The following PDIA5 variants were observed in gnomAD, a reference collection of about 807,000 sequenced individuals.
The protein encoded by PDIA5 is protein disulfide-isomerase A5.
A neutral mutation model predicts 77.6 loss-of-function variants in PDIA5; 58 were observed. The ratio of observed to expected loss-of-function variants is 0.75; its 90% confidence interval spans 0.61 to 0.93. PDIA5 has a LOEUF of 0.93. Among genes scored for constraint, PDIA5 ranks in the 40% least tolerant of loss-of-function variants. The pLI, the probability that PDIA5 is intolerant of heterozygous loss-of-function variation, is 0.00. For synonymous variants in PDIA5, 250 were observed against 252.1 expected (o/e 0.99, Z 0.08); for missense variants, 630 against 647.7 (o/e 0.97, Z 0.30).
chr3:123,084,567 A>G (rs1482568101), intron 1 of PDIA5, among the ~76,000 whole-genome samples: 1 of 151,906 alleles, frequency 6.6e-6, no homozygotes, highest in Non-Finnish European at 1.5e-5. Context: ...TGCAACCTGG[A>G]GGAGGCCTGT....
At chr3:123,082,127 G>A (rs908125123) in intron 1 of PDIA5, among the ~76,000 whole-genome samples, 13 of 152,194 alleles carry the variant, frequency 8.5e-5, no homozygotes, top group Admixed American at 7.9e-4. Context: ...AAAGCAGAGG[G>A]TTAGTCTAAA....
chr3:123,072,605 G>C (rs1933749646), intron 1 of PDIA5, among the ~76,000 whole-genome samples: 1 of 152,200 alleles, frequency 6.6e-6, no homozygotes, highest in African/African-American at 2.4e-5. Flanking sequence ...CTGCTGCAGA[G>C]ATCCCAGGTA....
chr3:123,113,565 G>A (rs905537369), intron 7 of PDIA5, among the ~76,000 whole-genome samples: 3 of 152,196 alleles, frequency 2.0e-5, no homozygotes, highest in African/African-American at 7.2e-5. Flanking sequence ...TAGGTCCCAA[G>A]GAACCTCGGG....
At chr3:123,071,937 G>A (rs1465051449) in intron 1 of PDIA5, among the ~76,000 whole-genome samples, 1 of 152,180 alleles carries the variant, frequency 6.6e-6, no homozygotes, top group African/African-American at 2.4e-5. Flanking sequence ...GGAATGATAG[G>A]CCAGGCTGGA....
intron 3 of PDIA5, among the ~76,000 whole-genome samples, chr3:123,098,461 A>G (rs865883700): frequency 9.8e-5 from 15 of 152,290 alleles, no homozygotes; most frequent in Non-Finnish European, 1.6e-4. Context: ...GGAAAATCCA[A>G]TAAACATAGC....
In PDIA5 at chr3:123,098,324, A is replaced by AC. The variant is rs201085251; in HGVS notation, c.258-4084dup. Among the ~76,000 whole-genome samples, 830 of 150,454 alleles carry AC rather than the reference A, an allele frequency of 5.5e-3. 14 individuals carry two copies. Among genetic ancestry groups the AC allele is most frequent in the African/African-American group, 0.019 (777 of 40,836 alleles). ...GACTTGTGAAAGACCTCAGACCCCC[A>AC]CCCTCCGACCCCGCCGTCTCCCAGA... On this transcript the variant is annotated intron_variant, in intron 3 of 16. Coordinates refer to ENST00000316218, the MANE Select transcript of PDIA5 (RefSeq NM_006810.4).
At chr3:123,109,338 G>T (rs1934812036) in intron 6 of PDIA5, among the ~76,000 whole-genome samples, 1 of 152,164 alleles carries the variant, frequency 6.6e-6, no homozygotes, top group African/African-American at 2.4e-5. Flanking sequence ...ACTACTCAGG[G>T]TATGAAACCA....
At chr3:123,083,049 T>A (rs1483758653) in intron 1 of PDIA5, among the ~76,000 whole-genome samples, 1 of 151,260 alleles carries the variant, frequency 6.6e-6, no homozygotes, top group African/African-American at 2.4e-5. Flanking sequence ...CGGCAGGGGG[T>A]CTGGAAGATG....
At chr3:123,132,897 T>C (rs1053978197) in intron 11 of PDIA5, among the ~76,000 whole-genome samples, 2 of 152,098 alleles carry the variant, frequency 1.3e-5, no homozygotes, top group African/African-American at 4.8e-5. Context: ...TGGGCATTCA[T>C]GGTTGTGCGC....
chr3:123,108,234 A>G lies in PDIA5; in HGVS notation c.480+1393A>G, dbSNP rs79957684. Among the ~76,000 whole-genome samples the G allele has an allele frequency of 6.6e-3, 1,003 of 151,994 alleles. 9 individuals carry two copies. The highest frequency in any genetic ancestry group is 0.022 in the African/African-American group (931 of 41,432). Reference sequence around the variant, plus strand: ...GTGATTCAAATTAAGGACTGGGCACAACATTCTCTGGGATACAAAGAGCCA... The same window carrying G: ...GTGATTCAAATTAAGGACTGGGCACGACATTCTCTGGGATACAAAGAGCCA... On this transcript the variant is annotated intron_variant, in intron 6 of 16. Coordinates refer to ENST00000316218, the MANE Select transcript of PDIA5 (RefSeq NM_006810.4).
intron 10 of PDIA5, among the ~76,000 whole-genome samples, chr3:123,130,161 A>G (rs1276011762): frequency 2.0e-5 from 3 of 152,250 alleles, no homozygotes; most frequent in African/African-American, 7.2e-5. Flanking sequence ...AGGTTGAGAA[A>G]GCTAACAAGC....
At chr3:123,138,697 A>G (rs1469454304) in intron 11 of PDIA5, among the ~76,000 whole-genome samples, 3 of 152,188 alleles carry the variant, frequency 2.0e-5, no homozygotes, top group Non-Finnish European at 4.4e-5. Flanking sequence ...CAAGGAGTCC[A>G]CTTTGGTGCT....
chr3:123,074,087 G>A (rs1030438244), intron 1 of PDIA5, among the ~76,000 whole-genome samples: 7 of 152,198 alleles, frequency 4.6e-5, no homozygotes, highest in African/African-American at 1.7e-4. Flanking sequence ...CTATTTCAAA[G>A]GAAGGTGGAC....
chr3:123,136,229 T>C (rs1935500095), intron 11 of PDIA5, among the ~76,000 whole-genome samples: 1 of 152,206 alleles, frequency 6.6e-6, no homozygotes, highest in Non-Finnish European at 1.5e-5. Context: ...GCCACTGCAC[T>C]TGGCCACTTG....
intron 11 of PDIA5, among the ~76,000 whole-genome samples, chr3:123,135,546 G>C (rs919897095): frequency 1.3e-5 from 2 of 152,166 alleles, no homozygotes; most frequent in Admixed American, 1.3e-4. Flanking sequence ...TGCCTTCCAG[G>C]AGCCGGGCTG....
chr3:123,094,792 A>G (rs1473636768), intron 3 of PDIA5, among the ~76,000 whole-genome samples: 1 of 152,172 alleles, frequency 6.6e-6, no homozygotes, highest in Non-Finnish European at 1.5e-5. Flanking sequence ...CCTCCCTCAA[A>G]TGGGCCCTGC....
In PDIA5 at chr3:123,147,340, T is replaced by G. The variant is rs1935795144; in HGVS notation, c.1142+1081T>G. The stretch of plus-strand genomic sequence containing the variant: ...TGAATTATCCCTTTAAAGGGATAAT[T>G]TATCTCTAGATATAGTCACATTCTG... On this transcript the variant is annotated intron_variant, in intron 13 of 16. Transcript: ENST00000316218. 2.0e-5 allele frequency among the ~76,000 whole-genome samples: 3 copies of G among 152,298 alleles called. No homozygotes were observed. The South Asian group carries it at 6.2e-4, about 32-fold the overall frequency.
At chr3:123,152,066 T>TTCCA (rs1297618369) in intron 14 of PDIA5, among the ~76,000 whole-genome samples, 3 of 134,960 alleles carry the variant, frequency 2.2e-5, no homozygotes, top group African/African-American at 3.0e-5. Flanking sequence ...CCTTCCTGCC[T>TTCCA]GCCTTTCTTC....
intron 1 of PDIA5, among the ~76,000 whole-genome samples, chr3:123,075,237 T>G (rs1933823134): frequency 6.6e-6 from 1 of 152,210 alleles, no homozygotes; most frequent in Non-Finnish European, 1.5e-5. Flanking sequence ...AACTGCTGAG[T>G]GAGCAGGACG....
Sources: gnomAD v4.1 joint callset for allele counts (sites outside exome capture counted in the v4.1 genomes callset) on GRCh38, gnomAD v4.1.1 for gene constraint, MANE v1.5 for transcripts, NCBI Gene and HGNC (gene_info 2026-07-23, HGNC 2026-07-21) for gene names.